TMEM126A: variants seen among roughly 807,000 people sequenced by gnomAD.
TMEM126A encodes the protein transmembrane protein 126A.
In TMEM126A, 10 loss-of-function variants were observed where a neutral mutation model predicts 18.3. The observed-to-expected ratio is 0.55, with a 90% CI of 0.34 to 0.93. The LOEUF is 0.93. TMEM126A is among the 40% of genes least tolerant of loss of function. The pLI is 0.02. For missense variants in TMEM126A, 246 were observed against 230.2 expected, an observed-to-expected ratio of 1.07 and a Z score of -0.44; for synonymous variants, 68 against 78.1, an observed-to-expected ratio of 0.87 and a Z score of 0.68.
intron 2 of TMEM126A, among the ~76,000 whole-genome samples, chr11:85,652,560 CT>C (rs1473810228): frequency 6.6e-6 from 1 of 152,058 alleles, no homozygotes; most frequent in African/African-American, 2.4e-5. Context: ...TTGTGTATGT[CT>C]TATCAAAAAG....
intron 4 of TMEM126A, 31 bp from the exon 5 acceptor site, chr11:85,656,278 T>C (rs1218154882): frequency 1.3e-6 from 2 of 1,594,842 alleles, no homozygotes; most frequent in East Asian, 4.5e-5. Flanking sequence ...AACAATCTTT[T>C]CTATTGAACT....
intron 4 of TMEM126A, 104 bp from the exon 5 acceptor site, chr11:85,656,205 T>C: frequency 2.0e-6 from 2 of 1,018,574 alleles, no homozygotes; most frequent in South Asian, 2.8e-5. Context: ...TACTTTAATA[T>C]TCAGTTTTAT....
At chr11:85,653,422 C>T (rs2082515861) in intron 2 of TMEM126A, among the ~76,000 whole-genome samples, 1 of 152,104 alleles carries the variant, frequency 6.6e-6, no homozygotes, top group Non-Finnish European at 1.5e-5. Flanking sequence ...AAAGCTAAGT[C>T]GTAGTCTGAA....
chr11:85,652,790 A>ATGTATTTT (rs1269823698), intron 2 of TMEM126A, among the ~76,000 whole-genome samples: 1 of 151,550 alleles, frequency 6.6e-6, no homozygotes, highest in African/African-American at 2.4e-5. Context: ...ACTTATATAT[A>ATGTATTTT]ACATGTATAT....
intron 4 of TMEM126A, 54 bp from the exon 5 acceptor site, chr11:85,656,255 T>G (rs2082537549): frequency 2.0e-6 from 3 of 1,484,672 alleles, no homozygotes; most frequent in Non-Finnish European, 2.8e-6. Flanking sequence ...CAGATGGGTT[T>G]GCCATTTGAT....
intron 3 of TMEM126A, 82 bp from the exon 4 acceptor site, chr11:85,655,512 C>A: frequency 1.9e-6 from 2 of 1,047,922 alleles, no homozygotes; most frequent in Non-Finnish European, 1.5e-6. Flanking sequence ...ACCTGTGATA[C>A]ACAAAAGAGG....
At position 85,648,936 on chromosome 11, in the gene TMEM126A, G is replaced by GTTT. The variant is rs760886814; in HGVS notation, c.-8+862_-8+864dup. 3.6e-3 allele frequency among the ~76,000 whole-genome samples: 474 copies of GTTT among 132,398 alleles called. 10 individuals are homozygous for GTTT. Among genetic ancestry groups the GTTT allele is most frequent in the African/African-American group, 0.012 (425 of 35,146 alleles). 86.9% of individuals were successfully genotyped at this position (132,398 alleles called of 152,430 possible). ...TTTCCTTTGTTGTTATCCCTGAACTGTTTTTTTTTTTTTTTTTGTAGACCG... is the reference window on the plus strand; with the variant it reads ...TTTCCTTTGTTGTTATCCCTGAACTGTTTTTTTTTTTTTTTTTTTTGTAGACCG... On this transcript the variant is annotated intron_variant, in intron 1 of 4. Coordinates refer to ENST00000304511, the MANE Select transcript of TMEM126A (RefSeq NM_032273.4).
chr11:85,654,903 A>G (rs1379912080), intron 3 of TMEM126A, among the ~76,000 whole-genome samples: 3 of 150,928 alleles, frequency 2.0e-5, no homozygotes, highest in Non-Finnish European at 4.4e-5. Flanking sequence ...GCTACCTTAG[A>G]TTTTTTATTT....
intron 2 of TMEM126A, 123 bp downstream of exon 2, chr11:85,650,464 T>C (rs2082490934): frequency 5.2e-6 from 4 of 773,328 alleles, no homozygotes; most frequent in African/African-American, 1.7e-5. Context: ...AATTGCCCTT[T>C]TCTTGCCTGG....
rs773145241 is a variant in TMEM126A, at chr11:85,655,748, T to C, written c.395+40T>C. The C allele has an allele frequency of 5.1e-6, 7 of 1,379,812 alleles. No homozygotes were observed. In the South Asian group the frequency reaches 7.0e-5, roughly 14 times the overall value. 85.5% of individuals were successfully genotyped at this position (1,379,812 alleles called of 1,614,324 possible). A position where few individuals can be genotyped will look rare whatever the true frequency, so the allele number is the denominator to read the frequency against. On this transcript the variant is annotated intron_variant, in intron 4 of 4. Coordinates refer to ENST00000304511, the MANE Select transcript of TMEM126A (RefSeq NM_032273.4). Reference sequence around the variant, plus strand: ...ACTTTTTATAATATGTGATTACCTATAAAACTCACAACTTAAAGCAGCAAA... The same window carrying C: ...ACTTTTTATAATATGTGATTACCTACAAAACTCACAACTTAAAGCAGCAAA...
At chr11:85,652,358 T>C (rs1365934847) in intron 2 of TMEM126A, among the ~76,000 whole-genome samples, 1 of 152,252 alleles carries the variant, frequency 6.6e-6, no homozygotes, top group Non-Finnish European at 1.5e-5. Context: ...TTTCTCTTCA[T>C]TCCCATTTTA....
In TMEM126A at chr11:85,654,213, A is replaced by T. The variant is rs2082521388; in HGVS notation, c.237A>T (p.Thr79=). The T allele has an allele frequency of 6.2e-7, 1 of 1,614,106 alleles. No individual in the cohort carries two copies. The highest frequency in any genetic ancestry group is 1.7e-5 in the Admixed American group (1 of 60,004). The stretch of plus-strand genomic sequence containing the variant: ...TGGCAGGGATACCTTTTCTTACAAC[A>T]GACTTAACTTACAGATGTTTTGTAA... The part of the protein sequence containing the change: ...LPMAGIPFLT[T]DLTYRCFVSF... Residue 79 remains threonine (T), a synonymous_variant, in exon 3 of 5, where the codon ACA becomes ACT. Coordinates refer to ENST00000304511, the MANE Select transcript of TMEM126A (RefSeq NM_032273.4).
At chr11:85,656,053 T>A (rs1356296737) in intron 4 of TMEM126A, among the ~76,000 whole-genome samples, 1 of 152,216 alleles carries the variant, frequency 6.6e-6, no homozygotes, top group Non-Finnish European at 1.5e-5. Flanking sequence ...AGAAAATGTC[T>A]AGCTGTTATA....
chr11:85,649,309 CTAACTAG>C (rs1357588627), intron 1 of TMEM126A, among the ~76,000 whole-genome samples: 1 of 152,216 alleles, frequency 6.6e-6, no homozygotes, highest in Non-Finnish European at 1.5e-5. Flanking sequence ...CATTTTCACC[CTAACTAG>C]TGCAGACATC....
intron 2 of TMEM126A, among the ~76,000 whole-genome samples, chr11:85,651,988 AC>A (rs774118370): frequency 3.4e-4 from 52 of 152,212 alleles, no homozygotes; most frequent in Non-Finnish European, 6.2e-4. Flanking sequence ...ACATGGCGAA[AC>A]CCTATCTCTA....
chr11:85,655,377 T>C (rs112617396), intron 3 of TMEM126A: 9 of 483,316 alleles, frequency 1.9e-5, no homozygotes, highest in Admixed American at 1.0e-4. Context: ...TGAGAACAAA[T>C]TAGAGAACTT....
At chr11:85,648,568 G>T (rs1040451335) in intron 1 of TMEM126A, among the ~76,000 whole-genome samples, 12 of 152,220 alleles carry the variant, frequency 7.9e-5, no homozygotes, top group Non-Finnish European at 1.5e-4. Context: ...ACTGAATTGA[G>T]TGACTTAATT....
chr11:85,649,381 C>T (rs1375539460), intron 1 of TMEM126A, among the ~76,000 whole-genome samples: 38 of 152,190 alleles, frequency 2.5e-4, no homozygotes, highest in African/African-American at 9.2e-4. Flanking sequence ...TTGGTACAGC[C>T]ACCCAGCTAA....
intron 1 of TMEM126A, among the ~76,000 whole-genome samples, chr11:85,649,322 A>T (rs924611274): frequency 6.6e-6 from 1 of 152,230 alleles, no homozygotes; most frequent in Non-Finnish European, 1.5e-5. Flanking sequence ...ACTAGTGCAG[A>T]CATCAACAAA....
Sources: gnomAD v4.1 joint callset for allele counts (sites outside exome capture counted in the v4.1 genomes callset) on GRCh38, gnomAD v4.1.1 for gene constraint, MANE v1.5 for transcripts, NCBI Gene and HGNC (gene_info 2026-07-23, HGNC 2026-07-21) for gene names.